LEF1: variants seen among roughly 807,000 people sequenced by gnomAD.
The protein encoded by LEF1 is lymphoid enhancer-binding factor 1.
Under a neutral mutation model 51.2 loss-of-function variants are expected in LEF1, and 14 were observed. That is an observed-to-expected ratio of 0.27 (90% CI 0.18 to 0.43). The LOEUF (loss-of-function observed/expected upper bound fraction) is 0.43, where lower values mean the gene tolerates loss of function less well. Ranked by LOEUF, LEF1 falls within the 20% of genes least tolerant of loss-of-function variation. LEF1 has a pLI of 1.00. For synonymous variants in LEF1, 185 were observed against 183.2 expected, an observed-to-expected ratio of 1.01 and a Z score of -0.08; for missense variants, 386 against 512.0, an observed-to-expected ratio of 0.75 and a Z score of 2.37.
Position 108,121,997 on chromosome 4 carries a change from GGTCT to G in LEF1, c.415-32744_415-32741del, listed in dbSNP as rs531665548. Among the ~76,000 whole-genome samples, 66 of 152,228 alleles carry G rather than the reference GGTCT, an allele frequency of 4.3e-4. 1 individual carries two copies. The highest frequency in any genetic ancestry group is 1.4e-3 in the African/African-American group (59 of 41,538). On this transcript the variant is annotated intron_variant, in intron 3 of 11. Coordinates refer to ENST00000265165, the MANE Select transcript of LEF1 (RefSeq NM_016269.5). ...TAATGGTTTTCTGAGCAGAGAATATGGTCTGTGTCACAACTAATCCTTTGAAGTT... is the reference window on the plus strand; with the variant it reads ...TAATGGTTTTCTGAGCAGAGAATATGGTGTCACAACTAATCCTTTGAAGTT...
chr4:108,111,245 C>T (rs939452309), intron 3 of LEF1, among the ~76,000 whole-genome samples: 2 of 152,212 alleles, frequency 1.3e-5, no homozygotes, highest in Non-Finnish European at 2.9e-5. Flanking sequence ...TCCATTCCCA[C>T]TGGCTTTTTT....
intron 8 of LEF1, among the ~76,000 whole-genome samples, chr4:108,073,825 C>T (rs998008782): frequency 8.6e-5 from 1 of 11,646 alleles, no homozygotes; most frequent in Non-Finnish European, 4.9e-4. Flanking sequence ...CTCTGATAAC[C>T]CCCCCCCCTT....
rs1047742573 is a variant in LEF1 at position 108,081,672 on chromosome 4, G to A, written c.639-3C>T. The A allele has an allele frequency of 2.9e-5, 46 of 1,613,044 alleles. No homozygotes were observed. The highest frequency in any genetic ancestry group is 3.9e-5 in the Non-Finnish European group (46 of 1,179,148). Reference sequence around the variant, plus strand: ...TGGGATATACAGGCTGACCTTGCCTGAGGTCACAGAAGAAAGGAACCCATC... The same window carrying A: ...TGGGATATACAGGCTGACCTTGCCTAAGGTCACAGAAGAAAGGAACCCATC... On this transcript the variant is annotated splice_region_variant and splice_polypyrimidine_tract_variant and intron_variant, in intron 5 of 11. Transcript: ENST00000265165.
intron 3 of LEF1, among the ~76,000 whole-genome samples, chr4:108,092,640 T>C (rs185255682): frequency 6.6e-6 from 1 of 151,898 alleles, no homozygotes; most frequent in African/African-American, 2.4e-5. Flanking sequence ...CCTAATAAAA[T>C]GTGGTATATA....
intron 11 of LEF1, among the ~76,000 whole-genome samples, chr4:108,055,486 G>A (rs1737255717): frequency 6.6e-6 from 1 of 152,196 alleles, no homozygotes; most frequent in South Asian, 2.1e-4. Context: ...ACTTAAAGAT[G>A]TAAACCATAT....
Position 108,146,369 on chromosome 4 carries a change from C to A in LEF1, c.414+17199G>T, listed in dbSNP as rs753845219. On this transcript the variant is annotated intron_variant, in intron 3 of 11. Transcript: ENST00000265165. ...CATTATATACCAGTGGAATTATTCACGTTAGATGTCCAGATCTGATTTGGT... is the reference window on the plus strand; with the variant it reads ...CATTATATACCAGTGGAATTATTCAAGTTAGATGTCCAGATCTGATTTGGT... Among the ~76,000 whole-genome samples the A allele has an allele frequency of 2.0e-5, 3 of 152,290 alleles. 1 individual carries two copies. The East Asian group carries it at 5.8e-4, about 29-fold the overall frequency.
intron 3 of LEF1, among the ~76,000 whole-genome samples, chr4:108,120,013 G>A (rs1742072516): frequency 1.3e-5 from 2 of 151,622 alleles, no homozygotes; most frequent in African/African-American, 2.4e-5. Flanking sequence ...GTGTGTGTGT[G>A]TGTGTGTGTG....
At position 108,167,932 on chromosome 4, in the gene LEF1, A is replaced by G. The variant is rs1745521662; in HGVS notation, c.-165T>C. 1 of 406,632 alleles carries G rather than the reference A, an allele frequency of 2.5e-6. No individual in the cohort carries two copies. Among genetic ancestry groups the G allele is most frequent in the South Asian group, 1.3e-4 (1 of 7,636 alleles). The allele number at this position is 406,632 out of a possible 1,614,324, so 25.2% of individuals were successfully genotyped here. The stretch of plus-strand genomic sequence containing the variant: ...GGCGAGCGCGGGGCCGCCGGCCGGC[A>G]GCCGGAGCAGCTGCCGCGGCGCCCG... On this transcript the variant is annotated 5_prime_UTR_variant, in exon 1 of 12. Coordinates refer to ENST00000265165, the MANE Select transcript of LEF1 (RefSeq NM_016269.5). This position sits in a 1 kb window ranked among gnomAD's most constrained non-coding sequence, Gnocchi z 5.7.
At chr4:108,078,556 ACT>A in intron 7 of LEF1, 174 bp from the exon 8 acceptor site, 1 of 733,366 alleles carries the variant, frequency 1.4e-6, no homozygotes. Flanking sequence ...TTGACAAAAC[ACT>A]GAGAGGCAAA....
rs372209005 is a variant in LEF1, at chr4:108,089,272, C to T, written c.415-15G>A. ...ACTTTATTTGACTGCAAAGTAACCA[C>T]AAGGTCAATAGTTAATATGGATGCC... is the stretch of plus-strand genomic sequence containing the variant. On this transcript the variant is annotated splice_polypyrimidine_tract_variant and intron_variant, in intron 3 of 11. Transcript: ENST00000265165. The T allele has an allele frequency of 6.2e-7, 1 of 1,612,544 alleles. No individual in the cohort carries two copies.
intron 3 of LEF1, among the ~76,000 whole-genome samples, chr4:108,102,439 T>C (rs11935844): frequency 0.055 from 8,312 of 152,164 alleles, 751 homozygotes; most frequent in African/African-American, 0.19. Context: ...CACTCTGTAC[T>C]CCTGTGCCTT....
chr4:108,092,369 G>A (rs576380776), intron 3 of LEF1, among the ~76,000 whole-genome samples: 108 of 152,278 alleles, frequency 7.1e-4, no homozygotes, highest in Middle Eastern at 3.4e-3. Flanking sequence ...AATTCCAAGG[G>A]TTATGGTTTG....
intron 11 of LEF1, among the ~76,000 whole-genome samples, chr4:108,050,835 C>G (rs1002280836): frequency 1.3e-5 from 2 of 152,124 alleles, no homozygotes; most frequent in African/African-American, 4.8e-5. Context: ...GCACAGCGAA[C>G]TGTGAAGTAC....
intron 3 of LEF1, among the ~76,000 whole-genome samples, chr4:108,118,662 T>C (rs1741981599): frequency 6.6e-6 from 1 of 152,004 alleles, no homozygotes; most frequent in Non-Finnish European, 1.5e-5. Context: ...TGTTTACCTA[T>C]TTTTTTTAAA....
intron 8 of LEF1, among the ~76,000 whole-genome samples, chr4:108,077,281 C>A (rs1416357660): frequency 3.9e-5 from 6 of 152,144 alleles, no homozygotes; most frequent in African/African-American, 1.4e-4. Flanking sequence ...AGTGCCTCTG[C>A]CTGGCCGCCC....
At chr4:108,103,795 C>A (rs989582190) in intron 3 of LEF1, among the ~76,000 whole-genome samples, 1 of 152,180 alleles carries the variant, frequency 6.6e-6, no homozygotes, top group African/African-American at 2.4e-5. Flanking sequence ...ACTCCCTCTT[C>A]CTCTTAAAAA....
chr4:108,112,727 A>G (rs886589534), intron 3 of LEF1, among the ~76,000 whole-genome samples: 3 of 152,254 alleles, frequency 2.0e-5, no homozygotes, highest in Non-Finnish European at 4.4e-5. Context: ...AAGATAAATC[A>G]GCATCAGCTG....
intron 3 of LEF1, among the ~76,000 whole-genome samples, chr4:108,106,228 T>G (rs994235445): frequency 3.3e-5 from 5 of 152,126 alleles, no homozygotes; most frequent in African/African-American, 4.8e-5. Context: ...CAAAGATAAG[T>G]AAAATCTCAT....
At chr4:108,078,441 G>T in intron 7 of LEF1, 59 bp from the exon 8 acceptor site, 1 of 1,609,408 alleles carries the variant, frequency 6.2e-7, no homozygotes, top group East Asian at 2.2e-5. Flanking sequence ...GGAAGGGATG[G>T]GGGAGGAGAA....
Sources: allele counts gnomAD v4.1 joint callset (sites outside exome capture counted in the v4.1 genomes callset), GRCh38; gene constraint gnomAD v4.1.1; non-coding constraint Gnocchi (gnomAD v3.1); transcripts MANE v1.5; gene names NCBI Gene and HGNC (gene_info 2026-07-23, HGNC 2026-07-21).